Variants in TRDN observed in about 807,000 individuals in gnomAD.
The protein encoded by TRDN is triadin in skeletal muscle.
Under a neutral mutation model 149.7 loss-of-function variants are expected in TRDN, and 161 were observed. The observed-to-expected ratio is 1.08, with a 90% CI of 0.95 to 1.23. The LOEUF is 1.23. Ranked by LOEUF, TRDN falls within the 50% of genes most tolerant of loss-of-function variation. The pLI, the probability that TRDN is intolerant of heterozygous loss-of-function variation, is 0.00. For missense variants in TRDN, 896 were observed against 823.5 expected (o/e 1.09, Z -1.08); for synonymous variants, 294 against 250.5 (o/e 1.17, Z -1.64).
At chr6:123,597,326 G>A (rs148091965) in intron 1 of TRDN, among the ~76,000 whole-genome samples, 146 of 152,160 alleles carry the variant, frequency 9.6e-4, no homozygotes, top group African/African-American at 3.3e-3. Context: ...TTGAACAGGT[G>A]AGGAGATGCT....
intron 4 of TRDN, among the ~76,000 whole-genome samples, chr6:123,534,856 C>T (rs930129327): frequency 2.0e-5 from 3 of 152,204 alleles, no homozygotes; most frequent in South Asian, 2.1e-4. Context: ...TTTTGAGGAT[C>T]ACTTTACTTA....
At chr6:123,351,674 CA>C in intron 21 of TRDN, 1 of 945,698 alleles carries the variant, frequency 1.1e-6, no homozygotes, top group Non-Finnish European at 1.3e-6. Context: ...ATATTTATGT[CA>C]AAAGATCTTA....
rs1583194610 is a variant in TRDN at position 123,529,099 on chromosome 6, G to C, written c.484+1407C>G. On this transcript the variant is annotated intron_variant, in intron 5 of 40. Transcript: ENST00000334268. ...TAGCCAGGTCCAAAATGCAAATGGT[G>C]CCATCTACATTACTACCGCCACTCC... is the stretch of plus-strand genomic sequence containing the variant. The C allele has an allele frequency of 4.1e-6, 6 of 1,463,070 alleles. No homozygotes were observed. In the South Asian group the frequency reaches 8.3e-5, roughly 20 times the overall value. The allele number at this position is 1,463,070 out of a possible 1,614,324, so 90.6% of individuals were successfully genotyped here.
At chr6:123,534,628 A>G (rs4265051) in intron 4 of TRDN, among the ~76,000 whole-genome samples, 21,272 of 152,224 alleles carry the variant, frequency 0.14, 1,622 homozygotes, top group Non-Finnish European at 0.17. Flanking sequence ...AGCTAAGGCT[A>G]TATTTGTATA....
chr6:123,506,957 C>T (rs1778955239), intron 7 of TRDN, among the ~76,000 whole-genome samples: 1 of 152,038 alleles, frequency 6.6e-6, no homozygotes, highest in Admixed American at 6.6e-5. Flanking sequence ...GGCAGGAATT[C>T]TATTATTATT....
chr6:123,598,317 C>G (rs956969968), intron 1 of TRDN, among the ~76,000 whole-genome samples: 2 of 152,018 alleles, frequency 1.3e-5, no homozygotes, highest in African/African-American at 4.8e-5. Context: ...GACACGCTAT[C>G]GTGAGGTTGA....
chr6:123,537,468 C>T (rs1281984475), intron 4 of TRDN, among the ~76,000 whole-genome samples: 3 of 152,124 alleles, frequency 2.0e-5, no homozygotes, highest in Non-Finnish European at 2.9e-5. Context: ...GTTCTCATGA[C>T]GTGTGCTGAA....
intron 9 of TRDN, among the ~76,000 whole-genome samples, chr6:123,484,908 A>G (rs1012036213): frequency 1.3e-5 from 2 of 152,214 alleles, no homozygotes; most frequent in African/African-American, 4.8e-5. Context: ...AACCTGAAGC[A>G]TTTTATCACA....
At chr6:123,386,951 C>T (rs574510056) in intron 14 of TRDN, among the ~76,000 whole-genome samples, 7 of 152,244 alleles carry the variant, frequency 4.6e-5, no homozygotes, top group East Asian at 1.9e-4. Flanking sequence ...TGGTCATGAC[C>T]TTGCCTTGAT....
chr6:123,291,314 C>T (rs537089205), intron 24 of TRDN, among the ~76,000 whole-genome samples: 2 of 151,894 alleles, frequency 1.3e-5, no homozygotes, highest in African/African-American at 2.4e-5. Flanking sequence ...CCTGTAAGCC[C>T]AGCACTTTGG....
intron 24 of TRDN, among the ~76,000 whole-genome samples, chr6:123,280,652 C>CTTTTTTTTTTTTTT (rs34195939): frequency 7.4e-6 from 1 of 135,538 alleles, no homozygotes; most frequent in African/African-American, 2.7e-5. Flanking sequence ...TCTTTTCTTT[C>CTTTTTTTTTTTTTT]TTTTTTTTTT....
chr6:123,288,986 C>T (rs1777897716), intron 24 of TRDN, among the ~76,000 whole-genome samples: 1 of 149,290 alleles, frequency 6.7e-6, no homozygotes, highest in African/African-American at 2.5e-5. Context: ...AAGTGTCCAT[C>T]AACAAATATA....
chr6:123,633,753 C>T lies in TRDN; in HGVS notation c.22+3001G>A, dbSNP rs895250913. Among the ~76,000 whole-genome samples, 5 of 152,020 alleles carry T rather than the reference C, an allele frequency of 3.3e-5. No homozygotes were observed. In the South Asian group the frequency reaches 1.0e-3, roughly 32 times the overall value. The stretch of plus-strand genomic sequence containing the variant: ...ACAATTCTGTATTTAGCATTATTTC[C>T]TTTCTTCCACTGGATGAAGTAAGCC... On this transcript the variant is annotated intron_variant, in intron 1 of 40. Coordinates refer to ENST00000334268, the MANE Select transcript of TRDN (RefSeq NM_006073.4).
At chr6:123,426,261 A>C (rs529487811) in intron 12 of TRDN, among the ~76,000 whole-genome samples, 1 of 152,294 alleles carries the variant, frequency 6.6e-6, no homozygotes, top group East Asian at 1.9e-4. Context: ...TTTGGCTGAT[A>C]GAGAAGAAGG....
chr6:123,429,394 CTGT>C (rs1334964646), intron 12 of TRDN, among the ~76,000 whole-genome samples: 2 of 152,134 alleles, frequency 1.3e-5, no homozygotes, highest in East Asian at 3.8e-4. Context: ...GCAGAATTTG[CTGT>C]TGTTTCAAAA....
chr6:123,570,230 A>G (rs750422406), intron 2 of TRDN, among the ~76,000 whole-genome samples: 28 of 152,216 alleles, frequency 1.8e-4, no homozygotes, highest in Non-Finnish European at 3.1e-4. Context: ...AAGTGATAAG[A>G]ATAAATTCAC....
At chr6:123,420,066 A>C (rs1197835780) in intron 12 of TRDN, among the ~76,000 whole-genome samples, 6 of 152,192 alleles carry the variant, frequency 3.9e-5, no homozygotes, top group African/African-American at 1.4e-4. Flanking sequence ...GGGGATCCTG[A>C]AGTTTTAAGG....
intron 10 of TRDN, among the ~76,000 whole-genome samples, chr6:123,443,743 G>T (rs188388402): frequency 0.019 from 2,895 of 149,240 alleles, 164 homozygotes; most frequent in African/African-American, 0.07. Context: ...CATATGGCTA[G>T]CCAGTTTTCC....
At position 123,548,470 on chromosome 6, in the gene TRDN, G is replaced by A. The variant is rs377440434; in HGVS notation, c.375C>T (p.Asp125=). Residue 125 remains aspartate, a synonymous_variant, in exon 3 of 41, where the codon GAC becomes GAT. Transcript: ENST00000334268. ...SSEDEEDDDG[D]EDTDKGEIDE... Reference sequence around the variant, plus strand: ...TCTTTGTACCTTTATCAGTATCTTCGTCACCATCATCATCTTCTTCATCTT... The same window carrying A: ...TCTTTGTACCTTTATCAGTATCTTCATCACCATCATCATCTTCTTCATCTT... 515 of 1,562,774 alleles carry A rather than the reference G, an allele frequency of 3.3e-4. 1 individual carries two copies. Among genetic ancestry groups the A allele is most frequent in the South Asian group, 4.8e-4 (39 of 81,558 alleles).
Sources: gnomAD v4.1 joint callset for allele counts (sites outside exome capture counted in the v4.1 genomes callset) on GRCh38, gnomAD v4.1.1 for gene constraint, MANE v1.5 for transcripts, NCBI Gene and HGNC (gene_info 2026-07-23, HGNC 2026-07-21) for gene names.